The following LRRC49 variants were observed in gnomAD, a reference collection of about 807,000 sequenced individuals.
LRRC49 encodes leucine rich repeat containing 49, also known as leucine-rich repeat-containing protein 49.
Under a neutral mutation model 83.3 loss-of-function variants are expected in LRRC49, and 50 were observed. The ratio of observed to expected loss-of-function variants is 0.60; its 90% CI spans 0.48 to 0.76. The LOEUF is 0.76. Among genes scored for constraint, LRRC49 ranks in the 30% least tolerant of loss-of-function variants. The pLI, the probability that LRRC49 is intolerant of heterozygous loss-of-function variation, is 0.00. For synonymous variants in LRRC49, 286 were observed against 283.3 expected (o/e 1.01, Z -0.10); for missense variants, 704 against 809.1 (o/e 0.87, Z 1.58).
intron 3 of LRRC49, among the ~76,000 whole-genome samples, chr15:70,898,087 CCTGT>C (rs2033913642): frequency 6.6e-6 from 1 of 152,176 alleles, no homozygotes; most frequent in African/African-American, 2.4e-5. Context: ...CATCCATCCA[CCTGT>C]CTGTCCATCC....
rs530305870 is a variant in LRRC49 at position 71,032,029 on chromosome 15, G to T, written c.1704-5150G>T. Among the ~76,000 whole-genome samples the T allele has an allele frequency of 2.6e-5, 4 of 152,182 alleles. No individual in the cohort carries two copies. The East Asian group carries it at 7.7e-4, about 29-fold the overall frequency. On this transcript the variant is annotated intron_variant, in intron 14 of 15. Transcript: ENST00000260382. ...GTTCTGTCTCACTGGGGTTCCAGGC[G>T]CCACTGGGGTATGAAAAAATACTCC...
intron 7 of LRRC49, chr15:70,936,410 G>T: frequency 5.2e-6 from 1 of 191,230 alleles, no homozygotes. Context: ...TTTTAACAGT[G>T]ATTTTTAACA....
chr15:70,876,459 A>G (rs879329125), intron 2 of LRRC49, among the ~76,000 whole-genome samples: 9 of 152,192 alleles, frequency 5.9e-5, no homozygotes, highest in Non-Finnish European at 4.4e-5. Context: ...TGGGCTATGC[A>G]TGACATGCTT....
intron 8 of LRRC49, among the ~76,000 whole-genome samples, chr15:70,956,501 C>CA (rs777121049): frequency 0.034 from 2,809 of 83,300 alleles, 44 homozygotes; most frequent in African/African-American, 0.058. Context: ...AACCCTCTGC[C>CA]AAAAAAAAAA....
intron 1 of LRRC49, chr15:70,853,642 A>G: frequency 3.2e-6 from 1 of 313,730 alleles, no homozygotes; most frequent in Non-Finnish European, 5.8e-6. Context: ...CCCCACGTCC[A>G]GGCCCCTCAG....
chr15:70,853,872 C>A lies in LRRC49; in HGVS notation c.-299+403C>A. The A allele has an allele frequency of 2.4e-6, 3 of 1,261,250 alleles. No homozygotes were observed. In the African/African-American group the frequency reaches 4.7e-5, roughly 20 times the overall value. 78.1% of individuals were successfully genotyped at this position (1,261,250 alleles called of 1,614,324 possible). A position where few individuals can be genotyped will look rare whatever the true frequency, so the allele number is the denominator to read the frequency against. On this transcript the variant is annotated intron_variant, in intron 1 of 16. Transcript: ENST00000544974. ...GCCCCCTCGGGGCCCACCTCCCGGGCCAGCCGCCGCGCCTACCTGTGCCCG... is the reference window on the plus strand; with the variant it reads ...GCCCCCTCGGGGCCCACCTCCCGGGACAGCCGCCGCGCCTACCTGTGCCCG...
At chr15:70,892,159 C>T, upstream of LRRC49, 1 of 1,612,482 alleles carries the variant, frequency 6.2e-7, no homozygotes, top group Non-Finnish European at 8.5e-7. Flanking sequence ...CGCGGCAACC[C>T]CGCACGAAGC....
At chr15:70,931,257 A>C (rs932983541) in intron 7 of LRRC49, among the ~76,000 whole-genome samples, 1 of 152,186 alleles carries the variant, frequency 6.6e-6, no homozygotes. Context: ...AGGACCAAGA[A>C]GAGGGAGAGA....
chr15:71,015,148 G>A (rs1250564283), intron 14 of LRRC49, among the ~76,000 whole-genome samples: 1 of 152,108 alleles, frequency 6.6e-6, no homozygotes, highest in Non-Finnish European at 1.5e-5. Context: ...GTGGACACAA[G>A]CTTCCAGAAA....
chr15:70,980,222 C>A, intron 10 of LRRC49, 38 bp downstream of exon 10: 1 of 1,403,998 alleles, frequency 7.1e-7, no homozygotes, highest in Non-Finnish European at 9.9e-7. Flanking sequence ...TGTGTGCACA[C>A]GTAGACACAC....
intron 11 of LRRC49, among the ~76,000 whole-genome samples, chr15:70,986,242 G>A (rs1481753267): frequency 4.6e-5 from 7 of 152,046 alleles, no homozygotes; most frequent in Non-Finnish European, 8.8e-5. Context: ...CCATTTTCAT[G>A]ATATTGATTC....
intron 13 of LRRC49, among the ~76,000 whole-genome samples, chr15:71,010,601 T>C (rs1439686763): frequency 1.3e-5 from 2 of 152,076 alleles, no homozygotes; most frequent in Admixed American, 1.3e-4. Context: ...TAGCAACCAC[T>C]GTGCCATGAC....
intron 8 of LRRC49, among the ~76,000 whole-genome samples, chr15:70,960,968 A>G (rs762514348): frequency 2.4e-4 from 36 of 152,318 alleles, no homozygotes; most frequent in Admixed American, 1.1e-3. Context: ...GTTCTGTGAA[A>G]GACACTGTTA....
chr15:71,004,164 A>G (rs2038367802), intron 11 of LRRC49, among the ~76,000 whole-genome samples: 1 of 152,200 alleles, frequency 6.6e-6, no homozygotes, highest in Non-Finnish European at 1.5e-5. Flanking sequence ...CTGACTTTTC[A>G]GGCTCATCTC....
chr15:70,948,110 G>A (rs1182338574), intron 8 of LRRC49, among the ~76,000 whole-genome samples: 2 of 152,022 alleles, frequency 1.3e-5, no homozygotes, highest in East Asian at 1.9e-4. Context: ...GTGTGTATGT[G>A]TGTGCACACG....
intron 2 of LRRC49, among the ~76,000 whole-genome samples, chr15:70,877,526 T>A (rs760964659): frequency 6.6e-6 from 1 of 152,240 alleles, no homozygotes; most frequent in African/African-American, 2.4e-5. Context: ...GTTTTGTATA[T>A]GTTTGTTTTA....
chr15:70,921,848 T>G (rs2141136390), intron 7 of LRRC49, among the ~76,000 whole-genome samples: 1 of 152,364 alleles, frequency 6.6e-6, no homozygotes, highest in East Asian at 1.9e-4. Flanking sequence ...TGCAACCTAC[T>G]TACCGTCTTG....
chr15:70,871,373 A>T lies in LRRC49; in HGVS notation c.-298-1535A>T, dbSNP rs563656883. On this transcript the variant is annotated intron_variant, in intron 1 of 16. Transcript: ENST00000544974. ...CTTCTTTCTACACAGACACAGCAACAATCTGATCTCTCTTTCCTTTCCCCA... is the reference window on the plus strand; with the variant it reads ...CTTCTTTCTACACAGACACAGCAACTATCTGATCTCTCTTTCCTTTCCCCA... 1.7e-3 allele frequency among the ~76,000 whole-genome samples: 260 copies of T among 152,258 alleles called. 1 individual carries two copies. The highest frequency in any genetic ancestry group is 2.2e-3 in the Non-Finnish European group (152 of 68,010).
At chr15:70,970,646 C>T (rs548531243) in intron 9 of LRRC49, among the ~76,000 whole-genome samples, 1 of 152,200 alleles carries the variant, frequency 6.6e-6, no homozygotes, top group African/African-American at 2.4e-5. Flanking sequence ...CTATTAATTA[C>T]TGCCTCAATT....
Sources: gnomAD v4.1 joint callset for allele counts (sites outside exome capture counted in the v4.1 genomes callset) on GRCh38, gnomAD v4.1.1 for gene constraint, MANE v1.5 for transcripts, NCBI Gene and HGNC (gene_info 2026-07-23, HGNC 2026-07-21) for gene names.